DAGLB: variants seen among roughly 807,000 people sequenced by gnomAD.
The protein encoded by DAGLB is diacylglycerol lipase beta.
In DAGLB, 66 loss-of-function variants were observed where a neutral mutation model predicts 72.1. The ratio of observed to expected loss-of-function variants is 0.92; its 90% CI spans 0.75 to 1.12. The LOEUF (loss-of-function observed/expected upper bound fraction) is 1.12. Ranked by LOEUF, DAGLB falls within the 50% of genes most tolerant of loss-of-function variation. The pLI, the probability that DAGLB is intolerant of heterozygous loss-of-function variation, is 0.00. For missense variants in DAGLB, 1,065 were observed against 884.9 expected (o/e 1.20, Z -2.58); for synonymous variants, 414 against 359.5 (o/e 1.15, Z -1.71).
chr7:6,416,591 G>A, intron 11 of DAGLB, 36 bp downstream of exon 11: 2 of 1,559,802 alleles, frequency 1.3e-6, no homozygotes, highest in Non-Finnish European at 1.7e-6. Context: ...TGACTTGTAA[G>A]TAGCAAGCTG....
intron 7 of DAGLB, among the ~76,000 whole-genome samples, chr7:6,425,333 G>A (rs994990234): frequency 3.9e-5 from 6 of 152,024 alleles, no homozygotes; most frequent in African/African-American, 7.2e-5. Context: ...GTGCAATGGC[G>A]CAATCTCAAC....
At chr7:6,430,306 A>G (rs149638153) in intron 6 of DAGLB, among the ~76,000 whole-genome samples, 174 bp downstream of exon 6, 1,462 of 128,038 alleles carry the variant, frequency 0.011, 36 homozygotes, top group African/African-American at 0.042. Context: ...AGGGAGGGAG[A>G]GAGAGAGAGA....
intron 13 of DAGLB, among the ~76,000 whole-genome samples, chr7:6,411,584 G>T (rs749766817): frequency 2.0e-4 from 31 of 152,270 alleles, no homozygotes; most frequent in Middle Eastern, 3.4e-3. Context: ...CTGCGCCACT[G>T]CACTCCAGCC....
intron 8 of DAGLB, among the ~76,000 whole-genome samples, chr7:6,423,674 G>A (rs1784209705): frequency 6.7e-6 from 1 of 148,824 alleles, no homozygotes; most frequent in Non-Finnish European, 1.5e-5. Flanking sequence ...TGCAACCTCC[G>A]CCTCCCGGGT....
chr7:6,439,916 G>A (rs1396716290), intron 2 of DAGLB, among the ~76,000 whole-genome samples: 1 of 151,856 alleles, frequency 6.6e-6, no homozygotes, highest in Non-Finnish European at 1.5e-5. Flanking sequence ...GCCAGGCATG[G>A]TGGTGGGCGC....
At chr7:6,421,844 A>T in intron 8 of DAGLB, 40 bp from the exon 9 acceptor site, 1 of 1,603,620 alleles carries the variant, frequency 6.2e-7, no homozygotes, top group Non-Finnish European at 8.5e-7. Flanking sequence ...TCAGCCTGTG[A>T]TGGGCAGGGT....
rs781562515 is a variant in DAGLB at position 6,447,757 on chromosome 7, C to A, written c.86G>T (p.Arg29Leu). ...TAGCCGCCGTCCTTACCACAGCACT[C>A]GCACGACCAGCTCGAAGAACCCTGG... ...VFPGFFELVV[R>L]VLWWIGILTL... The change falls in exon 1 of 15, where the codon CGA becomes CTA. Residue 29 changes from arginine to leucine, a missense_variant. Coordinates refer to ENST00000297056, the MANE Select transcript of DAGLB (RefSeq NM_139179.4). 1 of 1,613,394 alleles carries A rather than the reference C, an allele frequency of 6.2e-7. No individual in the cohort carries two copies. The highest frequency in any genetic ancestry group is 8.5e-7 in the Non-Finnish European group (1 of 1,179,740).
rs185510032 is a variant in DAGLB at position 6,428,327 on chromosome 7, A to G, written c.929+2153T>C. On this transcript the variant is annotated intron_variant, in intron 6 of 14. Coordinates refer to ENST00000297056, the MANE Select transcript of DAGLB (RefSeq NM_139179.4). ...TGAGACTCTGTCTCAAAAAAAAAAA[A>G]AAAAAAAAGAAAGAAAGAAAGAAAA... 2.8e-3 allele frequency among the ~76,000 whole-genome samples: 416 copies of G among 150,492 alleles called. 1 individual carries two copies. Among genetic ancestry groups the G allele is most frequent in the African/African-American group, 9.2e-3 (378 of 41,194 alleles).
At chr7:6,422,173 T>C (rs551725742) in intron 8 of DAGLB, 13 of 363,542 alleles carry the variant, frequency 3.6e-5, no homozygotes, top group South Asian at 2.5e-4. Context: ...GGTGAAACCG[T>C]GGAGAGGAGG....
At position 6,409,366 on chromosome 7, in the gene DAGLB, A is replaced by T. The variant is rs1466783839; in HGVS notation, c.*471T>A. 2 of 157,224 alleles carry T rather than the reference A, an allele frequency of 1.3e-5. No individual in the cohort carries two copies. The highest frequency in any genetic ancestry group is 2.8e-5 in the Non-Finnish European group (2 of 71,032). 9.7% of individuals were successfully genotyped at this position (157,224 alleles called of 1,614,324 possible). A position where few individuals can be genotyped will look rare whatever the true frequency, so the allele number is the denominator to read the frequency against. On this transcript the variant is annotated 3_prime_UTR_variant, in exon 15 of 15. Transcript: ENST00000297056. ...CTGCCCTTGGTGACGCCCAGGAGAA[A>T]ACCCCAGCCCGCACCCTCACCACAG...
rs1785061485 is a variant in DAGLB at position 6,447,852 on chromosome 7, C to G, written c.-10G>C. On this transcript the variant is annotated 5_prime_UTR_variant, in exon 1 of 15. Transcript: ENST00000297056. Reference sequence around the variant, plus strand: ...GTACCATCCCCGGCATGGCGAAGGTCCCGTAGCTCGCACTCAGGAGAGACC... The same window carrying G: ...GTACCATCCCCGGCATGGCGAAGGTGCCGTAGCTCGCACTCAGGAGAGACC... 3.1e-6 allele frequency: 5 copies of G among 1,606,830 alleles called. No individual in the cohort carries two copies. The South Asian group carries it at 5.6e-5, about 18-fold the overall frequency.
chr7:6,436,398 G>A lies in DAGLB; in HGVS notation c.383C>T (p.Thr128Ile). ...WVADGVQCDR[T>I]VVNGIIATVV... ...GGTTGCGATGATGCCGTTTACAACT[G>A]TCCTGTCGCACTGAACACCATCTGC... is the stretch of plus-strand genomic sequence containing the variant. The change falls in exon 3 of 15, where the codon ACA becomes ATA. Residue 128 changes from threonine to isoleucine, a missense_variant. Thr to Ile is a moderately conservative substitution (Grantham distance 89). Transcript: ENST00000297056. 2 of 1,613,740 alleles carry A rather than the reference G, an allele frequency of 1.2e-6. No individual in the cohort carries two copies. Among genetic ancestry groups the A allele is most frequent in the Non-Finnish European group, 1.7e-6 (2 of 1,179,964 alleles).
chr7:6,409,516 C>G lies in DAGLB; in HGVS notation c.*321G>C, dbSNP rs1783644708. The G allele has an allele frequency of 7.8e-6, 3 of 382,920 alleles. No individual in the cohort carries two copies. In the East Asian group the frequency reaches 1.6e-4, roughly 21 times the overall value. 23.7% of individuals were successfully genotyped at this position (382,920 alleles called of 1,614,324 possible). ...CTGTTCACGGTCTTCTGGGTGGGCC[C>G]TGGATTCCCGCACTTCTGGAGCAGT... On this transcript the variant is annotated 3_prime_UTR_variant, in exon 15 of 15. Transcript: ENST00000297056.
At chr7:6,410,435 AC>A in intron 13 of DAGLB, 55 bp from the exon 14 acceptor site, 9 of 1,539,454 alleles carry the variant, frequency 5.8e-6, no homozygotes, top group Non-Finnish European at 7.9e-6. Context: ...GTCACCCGAG[AC>A]CTCCCGAAAC....
At chr7:6,429,050 G>A (rs1290347660) in intron 6 of DAGLB, among the ~76,000 whole-genome samples, 2 of 151,850 alleles carry the variant, frequency 1.3e-5, no homozygotes, top group East Asian at 1.9e-4. Context: ...GTGATCCGCT[G>A]GCCTCGACCT....
chr7:6,430,632 T>G (rs576286758), intron 5 of DAGLB, 25 bp from the exon 6 acceptor site: 1 of 1,559,784 alleles, frequency 6.4e-7, no homozygotes, highest in Admixed American at 1.8e-5. Context: ...CAAAAACTAC[T>G]GTTTATTAAG....
Position 6,430,547 on chromosome 7 carries a change from C to T in DAGLB, c.862G>A (p.Ala288Thr). The change falls in exon 6 of 15, where the codon GCC becomes ACC. Residue 288 changes from alanine (A) to threonine (T), a missense_variant. By Grantham distance (58) the Ala-to-Thr change is moderately conservative. Coordinates refer to ENST00000297056, the MANE Select transcript of DAGLB (RefSeq NM_139179.4). The part of the protein sequence containing the change: ...CHHYMQFAAA[A>T]YGWPLYIYRN... ...TAGATGTAGAGGGGCCACCCATAGG[C>T]CGCTGCTGCAAACTGCATGTAATGA... 1.2e-6 allele frequency: 2 copies of T among 1,603,444 alleles called. No homozygotes were observed. Among genetic ancestry groups the T allele is most frequent in the South Asian group, 1.1e-5 (1 of 89,526 alleles).
rs57374634 is a variant in DAGLB at position 6,430,250 on chromosome 7, CATATATATATATATATAT to C, written c.929+212_929+229del. ...GGTTCGGGGAAAAAAAATACATGTG[CATATATATATATATATAT>C]ATATATATATATATGCAGGGGGGAG... On this transcript the variant is annotated intron_variant, in intron 6 of 14. Transcript: ENST00000297056. Among the ~76,000 whole-genome samples, 20 of 45,748 alleles carry C rather than the reference CATATATATATATATATAT, an allele frequency of 4.4e-4. No individual in the cohort carries two copies. The East Asian group carries it at 6.0e-3, about 14-fold the overall frequency. 30.0% of individuals were successfully genotyped at this position (45,748 alleles called of 152,430 possible). A position where few individuals can be genotyped will look rare whatever the true frequency, so the allele number is the denominator to read the frequency against.
rs191361825 is a variant in DAGLB, at chr7:6,414,212, G to A, written c.1428-1178C>T. Among the ~76,000 whole-genome samples, 485 of 151,688 alleles carry A rather than the reference G, an allele frequency of 3.2e-3. 9 individuals carry two copies. The highest frequency in any genetic ancestry group is 0.011 in the African/African-American group (452 of 41,376). On this transcript the variant is annotated intron_variant, in intron 11 of 14. Coordinates refer to ENST00000297056, the MANE Select transcript of DAGLB (RefSeq NM_139179.4). ...TTTTTAGTAGAGATAGGGTTTCACC[G>A]TGTTAGCCAGGATGGTCTTGATCTC...
Sources: gnomAD v4.1 joint callset for allele counts (sites outside exome capture counted in the v4.1 genomes callset) on GRCh38, gnomAD v4.1.1 for gene constraint, MANE v1.5 for transcripts, NCBI Gene and HGNC (gene_info 2026-07-23, HGNC 2026-07-21) for gene names.